Variants in PEX2 observed in about 807,000 individuals in gnomAD.
PEX2 encodes peroxisome biogenesis factor 2.
In PEX2, 19 loss-of-function variants were observed where a neutral mutation model predicts 25.2. That is an observed-to-expected ratio of 0.75 (90% CI 0.53 to 1.10). PEX2 has a LOEUF of 1.10. Ranked by LOEUF, PEX2 falls within the 50% of genes least tolerant of loss-of-function variation. The pLI, the probability that PEX2 is intolerant of heterozygous loss-of-function variation, is 0.00. For synonymous variants in PEX2, 141 were observed against 127.7 expected, an observed-to-expected ratio of 1.10 and a Z score of -0.70; for missense variants, 347 against 350.6, an observed-to-expected ratio of 0.99 and a Z score of 0.08.
rs1806883607 is a variant in PEX2 at position 76,983,087 on chromosome 8, T to G, written c.*174A>C. On this transcript the variant is annotated 3_prime_UTR_variant, in exon 4 of 4. Transcript: ENST00000357039. ...ATAATACATTAACATTTACATAATA[T>G]ATTTAGAATCACATGGTTTCCAGTG... The G allele has an allele frequency of 7.0e-7, 1 of 1,426,450 alleles. No individual in the cohort carries two copies. Among genetic ancestry groups the G allele is most frequent in the Admixed American group, 2.7e-5 (1 of 37,272 alleles). 88.4% of individuals were successfully genotyped at this position (1,426,450 alleles called of 1,614,324 possible).
chr8:76,999,735 G>C (rs1807439559), intron 1 of PEX2: 2 of 418,854 alleles, frequency 4.8e-6, no homozygotes, highest in Non-Finnish European at 9.5e-6. Context: ...GGAATGCAGA[G>C]GGGCTCAACT....
chr8:76,999,394 G>C (rs1441573992), intron 1 of PEX2, among the ~76,000 whole-genome samples: 1 of 152,010 alleles, frequency 6.6e-6, no homozygotes, highest in African/African-American at 2.4e-5. Flanking sequence ...TAAGAACCCA[G>C]GAAAAAATGT....
chr8:76,996,885 A>C (rs1303754068), intron 1 of PEX2, among the ~76,000 whole-genome samples: 1 of 152,220 alleles, frequency 6.6e-6, no homozygotes, highest in East Asian at 1.9e-4. Flanking sequence ...GAGAAGATTA[A>C]CAACCCATCT....
chr8:76,989,969 A>G (rs1372032429), intron 1 of PEX2, among the ~76,000 whole-genome samples: 1 of 152,234 alleles, frequency 6.6e-6, no homozygotes, highest in Non-Finnish European at 1.5e-5. Context: ...TATCAGTGTT[A>G]CATGGCATTT....
intron 2 of PEX2, chr8:76,988,051 A>C (rs1343112974): frequency 2.0e-5 from 3 of 152,258 alleles, no homozygotes; most frequent in Non-Finnish European, 2.9e-5. Flanking sequence ...AAAATCAAGA[A>C]GGCAGTGATT....
intron 3 of PEX2, 24 bp downstream of exon 3, chr8:76,986,163 A>G (rs1226125261): frequency 6.6e-6 from 1 of 152,104 alleles, no homozygotes; most frequent in Non-Finnish European, 1.5e-5. Flanking sequence ...CATAAATGCC[A>G]ATGATCTTCT....
chr8:76,984,461 A>G (rs1442612253), intron 3 of PEX2, among the ~76,000 whole-genome samples: 1 of 152,104 alleles, frequency 6.6e-6, no homozygotes, highest in Non-Finnish European at 1.5e-5. Context: ...AATAACAACA[A>G]AACAAAACAA....
Position 76,983,899 on chromosome 8 carries a change from T to C in PEX2, c.280A>G (p.Arg94Gly), listed in dbSNP as rs1180014413. Residue 94 changes from arginine to glycine, a missense_variant, in exon 4 of 4, where the codon AGA becomes GGA. Coordinates refer to ENST00000357039, the MANE Select transcript of PEX2 (RefSeq NM_000318.3). ...TGATTTTTACTGGGTGGCTGATATC[T>C]CAGGTTAGGGGAAAAATCATTTTTG... ...KYKNDFSPNL[R>G]YQPPSKNQKI... is the part of the protein sequence containing the mutation. The C allele has an allele frequency of 5.0e-6, 8 of 1,614,140 alleles. No homozygotes were observed. Among genetic ancestry groups the C allele is most frequent in the Non-Finnish European group, 6.8e-6 (8 of 1,180,004 alleles).
intron 2 of PEX2, 124 bp from the exon 3 acceptor site, chr8:76,986,420 A>G (rs544771123): frequency 6.6e-6 from 1 of 152,368 alleles, no homozygotes; most frequent in African/African-American, 2.4e-5. Context: ...GTCACTCCCT[A>G]TCCCCCGCAA....
At position 76,981,644 on chromosome 8, in the gene PEX2, AT is replaced by A. The variant is rs1197651395; in HGVS notation, c.*1616del. 4.0e-5 allele frequency: 6 copies of A among 151,144 alleles called. No individual in the cohort carries two copies. Among genetic ancestry groups the A allele is most frequent in the Non-Finnish European group, 5.9e-5 (4 of 68,024 alleles). The allele number at this position is 151,144 out of a possible 1,614,324, so 9.4% of individuals were successfully genotyped here. On this transcript the variant is annotated 3_prime_UTR_variant, in exon 4 of 4. Coordinates refer to ENST00000357039, the MANE Select transcript of PEX2 (RefSeq NM_000318.3). ...ATATTTATACATAGGAAAAAATGCT[AT>A]TTTTTATGCATTATAATAATTTTGT... is the stretch of plus-strand genomic sequence containing the variant.
At chr8:76,998,124 T>A (rs918063362) in intron 1 of PEX2, among the ~76,000 whole-genome samples, 4 of 152,118 alleles carry the variant, frequency 2.6e-5, no homozygotes, top group African/African-American at 9.7e-5. Context: ...GAAATAAAGA[T>A]TGTGTACATT....
chr8:76,983,399 C>T lies in PEX2; in HGVS notation c.780G>A (p.Glu260=). The part of the protein sequence containing the change: ...WPTMPHTIGC[E]HIFCYFCAKS... ...TAGCACAGAAATAACAGAAAATATG[C>T]TCACATCCTATGGTGTGAGGCATGG... Residue 260 remains glutamate, a synonymous_variant, in exon 4 of 4, where the codon GAG becomes GAA. Coordinates refer to ENST00000357039, the MANE Select transcript of PEX2 (RefSeq NM_000318.3). 6.2e-7 allele frequency: 1 copy of T among 1,614,030 alleles called. No homozygotes were observed. The highest frequency in any genetic ancestry group is 8.5e-7 in the Non-Finnish European group (1 of 1,179,986).
intron 1 of PEX2, among the ~76,000 whole-genome samples, chr8:76,999,325 A>G (rs1018376916): frequency 2.6e-5 from 4 of 152,218 alleles, no homozygotes; most frequent in African/African-American, 9.7e-5. Flanking sequence ...CCCTTTCACT[A>G]AATGTGGGAA....
At chr8:77,000,635 G>T (rs560866440), upstream of PEX2, among the ~76,000 whole-genome samples, 1 of 152,326 alleles carries the variant, frequency 6.6e-6, no homozygotes, top group African/African-American at 2.4e-5. Flanking sequence ...TGTGTGCACA[G>T]GGAGGATAGG....
chr8:76,985,718 T>C (rs4416802), intron 3 of PEX2, among the ~76,000 whole-genome samples: 144,917 of 152,250 alleles, frequency 0.95, 69,121 homozygotes, highest in East Asian at 0.99. Context: ...ACAGAAAGAA[T>C]AGTTACTGAG....
rs1474465610 is a variant in PEX2 at position 76,998,904 on chromosome 8, C to T, written c.-160+1086G>A. ...TAGAATCCAACTGTCTTGATTTAGT[C>T]TAATACTCTTCAGTCTACTAGTCTA... is the stretch of plus-strand genomic sequence containing the variant. On this transcript the variant is annotated intron_variant, in intron 1 of 3. Transcript: ENST00000357039. Among the ~76,000 whole-genome samples the T allele has an allele frequency of 2.0e-5, 3 of 151,682 alleles. No individual in the cohort carries two copies. In the East Asian group the frequency reaches 5.8e-4, roughly 29 times the overall value.
At position 76,990,623 on chromosome 8, in the gene PEX2, A is replaced by C. The variant is rs115421843; in HGVS notation, c.-159-2285T>G. ...CATTGTTGTGTCTTAGGGAATAGGC[A>C]AGTCAGCAGAACAGTCAGAACACCC... On this transcript the variant is annotated intron_variant, in intron 1 of 3. Coordinates refer to ENST00000357039, the MANE Select transcript of PEX2 (RefSeq NM_000318.3). Among the ~76,000 whole-genome samples, 1,480 of 152,286 alleles carry C rather than the reference A, an allele frequency of 9.7e-3. 15 individuals are homozygous for C. Among genetic ancestry groups the C allele is most frequent in the African/African-American group, 0.034 (1,419 of 41,558 alleles).
intron 1 of PEX2, among the ~76,000 whole-genome samples, chr8:76,996,696 G>A (rs761139808): frequency 1.1e-4 from 16 of 152,080 alleles, no homozygotes; most frequent in Non-Finnish European, 1.9e-4. Flanking sequence ...AAGAGAACAC[G>A]GAAATATCCC....
upstream of PEX2, among the ~76,000 whole-genome samples, chr8:77,000,564 G>T (rs939725678): frequency 6.6e-6 from 1 of 152,224 alleles, no homozygotes; most frequent in South Asian, 2.1e-4. Context: ...CCTCGGGCAG[G>T]TGGCTGCGTC....
Sources: gnomAD v4.1 joint callset for allele counts (sites outside exome capture counted in the v4.1 genomes callset) on GRCh38, gnomAD v4.1.1 for gene constraint, MANE v1.5 for transcripts, NCBI Gene and HGNC (gene_info 2026-07-23, HGNC 2026-07-21) for gene names.